Variants in AP1S2 observed in about 807,000 individuals in gnomAD.
AP1S2 encodes the protein AP-1 complex subunit sigma-2.
AP1S2 carries 1 observed loss-of-function variant against 14.3 expected under a neutral mutation model. The observed-to-expected ratio is 0.07, with a 90% CI of 0.02 to 0.33. The LOEUF is 0.33. Ranked by LOEUF, AP1S2 falls within the 10% of genes least tolerant of loss-of-function variation. AP1S2 has a pLI of 0.99. For synonymous variants in AP1S2, 30 were observed against 40.5 expected (o/e 0.74, Z 0.99); for missense variants, 30 against 117.7 (o/e 0.25, Z 3.45).
intron 1 of AP1S2, chrX:15,852,896 T>C (rs1346630870): frequency 1.7e-4 from 129 of 744,843 alleles, no homozygotes; most frequent in Non-Finnish European, 2.0e-4. Context: ...AAGAGAATGG[T>C]AGACATCATC....
At chrX:15,846,118 C>A in intron 2 of AP1S2, 107 bp from the exon 3 acceptor site, 1 of 610,567 alleles carries the variant, frequency 1.6e-6, no homozygotes, top group South Asian at 2.5e-5. Flanking sequence ...CAGTTTATTT[C>A]TTCTTTCACG....
At chrX:15,842,107 C>T (rs768036208) in intron 4 of AP1S2, among the ~76,000 whole-genome samples, 128 of 111,848 alleles carry the variant, frequency 1.1e-3, no homozygotes, top group African/African-American at 3.9e-3. Flanking sequence ...AGCACTCAAG[C>T]GTTAGTTACC....
At chrX:15,834,636 C>T (rs1933569069) in intron 4 of AP1S2, among the ~76,000 whole-genome samples, 2 of 95,353 alleles carry the variant, frequency 2.1e-5, no homozygotes, top group African/African-American at 7.8e-5. Flanking sequence ...CCACTGTGCC[C>T]GGCTAATTTT....
intron 4 of AP1S2, chrX:15,830,147 A>G (rs1012799142): frequency 1.3e-6 from 1 of 747,665 alleles, no homozygotes; most frequent in Non-Finnish European, 1.6e-6. Flanking sequence ...AGACAGCAAA[A>G]GAAGCAACAT....
chrX:15,834,460 AT>A (rs61539924), intron 4 of AP1S2, among the ~76,000 whole-genome samples: 1,366 of 35,258 alleles, frequency 0.039, 119 homozygotes, highest in African/African-American at 0.15. Flanking sequence ...ATATATATAT[AT>A]ATATATATAT....
At chrX:15,829,730 ATTAT>A (rs745382247) in intron 4 of AP1S2, among the ~76,000 whole-genome samples, 17 of 111,895 alleles carry the variant, frequency 1.5e-4, no homozygotes, top group East Asian at 8.3e-4. Context: ...CAGAAAAACT[ATTAT>A]CTATCTAAAG....
At chrX:15,835,935 C>T (rs1272256743) in intron 4 of AP1S2, among the ~76,000 whole-genome samples, 5 of 110,113 alleles carry the variant, frequency 4.5e-5, no homozygotes, top group African/African-American at 1.7e-4. Flanking sequence ...GAGACCCTGT[C>T]CCTACAAAAA....
rs938563240 is a variant in AP1S2 at position 15,826,125 on chromosome X, C to T, written c.*1200G>A. On this transcript the variant is annotated 3_prime_UTR_variant, in exon 6 of 6. Coordinates refer to ENST00000672987, the MANE Select transcript of AP1S2 (RefSeq NM_001272071.2). ...TGGCGATGTGATAAGACAGTGCTCA[C>T]GTGGCCTGAATGTTGGTCACAATCA... 1 of 112,423 alleles carries T rather than the reference C, an allele frequency of 8.9e-6. No homozygotes were observed. The highest frequency in any genetic ancestry group is 1.9e-5 in the Non-Finnish European group (1 of 53,264). 9.3% of individuals were successfully genotyped at this position (112,423 alleles called of 1,213,427 possible).
At chrX:15,832,782 GAA>G (rs1933474247) in intron 4 of AP1S2, 1 of 912,334 alleles carries the variant, frequency 1.1e-6, no homozygotes, top group African/African-American at 2.1e-5. Context: ...AATTCCCTAT[GAA>G]AATACCAGTT....
In AP1S2 at chrX:15,826,076, C is replaced by G. The variant is rs1933250737; in HGVS notation, c.*1249G>C. 1 of 112,068 alleles carries G rather than the reference C, an allele frequency of 8.9e-6. No individual in the cohort carries two copies. Among genetic ancestry groups the G allele is most frequent in the African/African-American group, 3.2e-5 (1 of 30,854 alleles). The allele number at this position is 112,068 out of a possible 1,213,427, so 9.2% of individuals were successfully genotyped here. A position where few individuals can be genotyped will look rare whatever the true frequency, so the allele number is the denominator to read the frequency against. On this transcript the variant is annotated 3_prime_UTR_variant, in exon 6 of 6. Transcript: ENST00000672987. ...ATAAAAACACACTCCAGTGTTTGTA[C>G]GTTGAACGTTTATTACAACTAATTG...
In AP1S2 at chrX:15,834,679, G is replaced by T. The variant is rs1027713807; in HGVS notation, c.427-6479C>A. 4.4e-3 allele frequency among the ~76,000 whole-genome samples: 425 copies of T among 96,468 alleles called. 2 individuals are homozygous for T. Among genetic ancestry groups the T allele is most frequent in the Non-Finnish European group, 6.1e-3 (294 of 48,183 alleles). The allele number at this position is 96,468 out of a possible 115,157, so 83.8% of individuals were successfully genotyped here. A position where few individuals can be genotyped will look rare whatever the true frequency, so the allele number is the denominator to read the frequency against. On this transcript the variant is annotated intron_variant, in intron 4 of 5. Coordinates refer to ENST00000672987, the MANE Select transcript of AP1S2 (RefSeq NM_001272071.2). ...TTTTTTTTTTTTTAGTAGAGATGGGGTTTCACCATCTTGGCCAGGCTGGTC... is the reference window on the plus strand; with the variant it reads ...TTTTTTTTTTTTTAGTAGAGATGGGTTTTCACCATCTTGGCCAGGCTGGTC...
At position 15,826,901 on chromosome X, in the gene AP1S2, T is replaced by TA. The variant is rs1182420394; in HGVS notation, c.*423dup. The TA allele has an allele frequency of 9.1e-6, 1 of 109,834 alleles. No individual in the cohort carries two copies. The highest frequency in any genetic ancestry group is 3.4e-5 in the African/African-American group (1 of 29,695). 9.1% of individuals were successfully genotyped at this position (109,834 alleles called of 1,213,427 possible). ...TGTCAATTCCCTTTTTTTTTTTTTT[T>TA]ACATATGCTGAAATGCTGCACTAGT... On this transcript the variant is annotated 3_prime_UTR_variant, in exon 6 of 6. Coordinates refer to ENST00000672987, the MANE Select transcript of AP1S2 (RefSeq NM_001272071.2).
intron 4 of AP1S2, among the ~76,000 whole-genome samples, chrX:15,834,861 GAAAAAT>G (rs1933582581): frequency 5.5e-5 from 6 of 109,873 alleles, no homozygotes; most frequent in Non-Finnish European, 1.1e-4. Flanking sequence ...CCTGCATGAA[GAAAAAT>G]GTTGTTCTCA....
intron 5 of AP1S2, 151 bp from the exon 6 acceptor site, chrX:15,827,523 A>C: frequency 1.7e-6 from 1 of 575,431 alleles, no homozygotes; most frequent in Admixed American, 2.6e-5. Flanking sequence ...TTGGTTATTT[A>C]GGGTTTTGTG....
chrX:15,852,879 G>A, intron 1 of AP1S2: 1 of 748,725 alleles, frequency 1.3e-6, no homozygotes, highest in Non-Finnish European at 1.6e-6. Context: ...CTCTCTATAT[G>A]CATCAAAAGA....
At chrX:15,830,669 A>T in intron 4 of AP1S2, 1 of 632,848 alleles carries the variant, frequency 1.6e-6, no homozygotes, top group Non-Finnish European at 1.9e-6. Flanking sequence ...CAGTTAACAA[A>T]GTATCAAGTA....
rs1162221645 is a variant in AP1S2, at chrX:15,827,069, A to ACAACC, written c.*255_*256insGGTTG. On this transcript the variant is annotated 3_prime_UTR_variant, in exon 6 of 6. Coordinates refer to ENST00000672987, the MANE Select transcript of AP1S2 (RefSeq NM_001272071.2). ...TGTGCACATAATCAGATTAAGAGAA[A>ACAACC]CTGACCTTTAAACTTTAAAATATCC... The ACAACC allele has an allele frequency of 2.6e-6, 1 of 380,613 alleles. No homozygotes were observed. Among genetic ancestry groups the ACAACC allele is most frequent in the Non-Finnish European group, 4.6e-6 (1 of 217,056 alleles). 31.4% of individuals were successfully genotyped at this position (380,613 alleles called of 1,213,427 possible).
chrX:15,852,254 G>A, intron 2 of AP1S2, 92 bp downstream of exon 2: 3 of 819,959 alleles, frequency 3.7e-6, no homozygotes, highest in Non-Finnish European at 5.2e-6. Context: ...TTTATTAATC[G>A]TTATTTATAA....
At chrX:15,846,465 T>C (rs1223160045) in intron 2 of AP1S2, among the ~76,000 whole-genome samples, 1 of 111,447 alleles carries the variant, frequency 9.0e-6, no homozygotes, top group Non-Finnish European at 1.9e-5. Flanking sequence ...ATATGTATAA[T>C]ATATACACAG....
Sources: gnomAD v4.1 joint callset for allele counts (sites outside exome capture counted in the v4.1 genomes callset) on GRCh38, gnomAD v4.1.1 for gene constraint, MANE v1.5 for transcripts, NCBI Gene and HGNC (gene_info 2026-07-23, HGNC 2026-07-21) for gene names.